The following CLIP4 variants were observed in gnomAD, a reference collection of about 807,000 sequenced individuals.
CLIP4 encodes the protein CAP-Gly domain containing linker protein family member 4.
CLIP4 carries 47 observed loss-of-function variants against 73.1 expected under a neutral mutation model. The ratio of observed to expected loss-of-function variants is 0.64; its 90% CI spans 0.51 to 0.82. CLIP4 has a LOEUF of 0.82. Among genes scored for constraint, CLIP4 ranks in the 40% least tolerant of loss-of-function variants. CLIP4 has a pLI of 0.00. For synonymous variants in CLIP4, 306 were observed against 295.4 expected, an observed-to-expected ratio of 1.04 and a Z score of -0.37; for missense variants, 874 against 852.9, an observed-to-expected ratio of 1.02 and a Z score of -0.31.
intron 1 of CLIP4, among the ~76,000 whole-genome samples, chr2:29,104,182 T>C (rs374965579): frequency 1.1e-4 from 17 of 152,358 alleles, no homozygotes; most frequent in East Asian, 3.9e-4. Context: ...ACACGTCTTA[T>C]GGTATTTACT....
chr2:29,156,304 A>G lies in CLIP4; in HGVS notation c.1166-50A>G, dbSNP rs148474761. On this transcript the variant is annotated intron_variant, in intron 9 of 15. Transcript: ENST00000320081. Reference sequence around the variant, plus strand: ...GCATGTACTTTAAAAAATACATTTTATGTTTAATGTTAAAATTCTTGCTTA... The same window carrying G: ...GCATGTACTTTAAAAAATACATTTTGTGTTTAATGTTAAAATTCTTGCTTA... 1.1e-4 allele frequency: 133 copies of G among 1,265,272 alleles called. No individual in the cohort carries two copies. The East Asian group carries it at 3.2e-3, about 31-fold the overall frequency. The allele number at this position is 1,265,272 out of a possible 1,614,324, so 78.4% of individuals were successfully genotyped here. A position where few individuals can be genotyped will look rare whatever the true frequency, so the allele number is the denominator to read the frequency against.
chr2:29,103,691 G>GT (rs900785835), intron 1 of CLIP4, among the ~76,000 whole-genome samples: 112 of 146,402 alleles, frequency 7.7e-4, no homozygotes, highest in South Asian at 6.5e-3. Flanking sequence ...GCACTGCTCT[G>GT]TTTTTTTTTT....
intron 7 of CLIP4, 71 bp from the exon 8 acceptor site, chr2:29,145,161 A>G (rs1666067213): frequency 1.5e-6 from 2 of 1,349,704 alleles, no homozygotes; most frequent in Non-Finnish European, 1.0e-6. Flanking sequence ...TGGTGAAGTA[A>G]AGTTGCAAGA....
intron 11 of CLIP4, among the ~76,000 whole-genome samples, chr2:29,157,684 T>A (rs1667019341): frequency 6.6e-6 from 1 of 152,246 alleles, no homozygotes; most frequent in Non-Finnish European, 1.5e-5. Context: ...CTATGTTTGC[T>A]TAAAACCTAG....
intron 8 of CLIP4, among the ~76,000 whole-genome samples, chr2:29,146,106 T>C (rs895953330): frequency 1.3e-5 from 2 of 152,192 alleles, no homozygotes; most frequent in African/African-American, 2.4e-5. Context: ...TTGGGACTGG[T>C]CTCTTGGGTG....
chr2:29,123,565 G>C (rs551001573), intron 2 of CLIP4, among the ~76,000 whole-genome samples: 19 of 152,310 alleles, frequency 1.2e-4, no homozygotes, highest in Admixed American at 6.5e-4. Context: ...GCTGTGAGAA[G>C]AGCCTGGGAA....
upstream of CLIP4, among the ~76,000 whole-genome samples, chr2:29,112,497 T>C (rs1262263439): frequency 6.6e-6 from 1 of 152,248 alleles, no homozygotes; most frequent in Non-Finnish European, 1.5e-5. Flanking sequence ...TTAAACTTTA[T>C]TGTTATTGTG....
intron 15 of CLIP4, among the ~76,000 whole-genome samples, chr2:29,178,866 C>T (rs903496174): frequency 6.6e-6 from 1 of 152,184 alleles, no homozygotes; most frequent in African/African-American, 2.4e-5. Context: ...ACTATCTCAG[C>T]TCACTGAAAC....
chr2:29,157,367 C>T lies in CLIP4; in HGVS notation c.1399+20C>T, dbSNP rs1328945574. The T allele has an allele frequency of 1.2e-6, 2 of 1,613,750 alleles. No homozygotes were observed. The highest frequency in any genetic ancestry group is 2.7e-5 in the African/African-American group (2 of 74,902). On this transcript the variant is annotated intron_variant, in intron 11 of 15. Transcript: ENST00000320081. ...GTGCTGGTATCTATGGCTTTTTCAA[C>T]CAGGCTTTCTTGGTGTTTTTTATCT...
chr2:29,131,624 A>G (rs903058455), intron 3 of CLIP4: 17 of 380,036 alleles, frequency 4.5e-5, no homozygotes, highest in African/African-American at 3.6e-4. Context: ...TGGCGGGTGC[A>G]GGGAGGGGCA....
At chr2:29,170,189 G>GTGGACA (rs1667913217) in intron 14 of CLIP4, among the ~76,000 whole-genome samples, 1 of 152,050 alleles carries the variant, frequency 6.6e-6, no homozygotes, top group Admixed American at 6.5e-5. Flanking sequence ...CTATATCTTG[G>GTGGACA]CTGTTGGGAA....
chr2:29,127,448 A>G (rs1403696877), intron 2 of CLIP4, among the ~76,000 whole-genome samples: 1 of 152,222 alleles, frequency 6.6e-6, no homozygotes, highest in Non-Finnish European at 1.5e-5. Flanking sequence ...TTTTGTTTAC[A>G]AAAGTATTCT....
intron 6 of CLIP4, among the ~76,000 whole-genome samples, chr2:29,137,674 C>A (rs771931483): frequency 6.6e-5 from 10 of 152,052 alleles, no homozygotes; most frequent in Non-Finnish European, 1.3e-4. Flanking sequence ...ACAACCTCAC[C>A]AAGATGTTAT....
Position 29,150,643 on chromosome 2 carries a change from CTTTTTT to C in CLIP4, c.1022-2022_1022-2017del, listed in dbSNP as rs34553625. Among the ~76,000 whole-genome samples, 4 of 80,262 alleles carry C rather than the reference CTTTTTT, an allele frequency of 5.0e-5. No homozygotes were observed. The South Asian group carries it at 1.7e-3, about 34-fold the overall frequency. The allele number at this position is 80,262 out of a possible 152,430, so 52.7% of individuals were successfully genotyped here. A position where few individuals can be genotyped will look rare whatever the true frequency, so the allele number is the denominator to read the frequency against. On this transcript the variant is annotated intron_variant, in intron 8 of 15. Transcript: ENST00000320081. ...CATAACTTAATTTTTTTGATTTGCTCTTTTTTTTTTTTTTTTTTTTTTTTTGAGACA... is the reference window on the plus strand; with the variant it reads ...CATAACTTAATTTTTTTGATTTGCTCTTTTTTTTTTTTTTTTTTTGAGACA...
At chr2:29,126,553 G>A (rs144840218) in intron 2 of CLIP4, among the ~76,000 whole-genome samples, 373 of 152,304 alleles carry the variant, frequency 2.4e-3, no homozygotes, top group African/African-American at 8.5e-3. Context: ...CACTTAATAA[G>A]TCTAACTTAT....
At chr2:29,127,334 T>C (rs1664670735) in intron 2 of CLIP4, among the ~76,000 whole-genome samples, 1 of 152,078 alleles carries the variant, frequency 6.6e-6, no homozygotes, top group South Asian at 2.1e-4. Context: ...CAAACTTTCA[T>C]TGAACTTATG....
chr2:29,149,334 T>C (rs190969456), intron 8 of CLIP4, among the ~76,000 whole-genome samples: 6 of 152,216 alleles, frequency 3.9e-5, no homozygotes, highest in Admixed American at 3.9e-4. Flanking sequence ...AAACAAAAAG[T>C]AGGTAGAGGT....
At chr2:29,162,948 T>G (rs1667385985) in intron 12 of CLIP4, among the ~76,000 whole-genome samples, 1 of 152,150 alleles carries the variant, frequency 6.6e-6, no homozygotes, top group African/African-American at 2.4e-5. Flanking sequence ...CTATCTCCTG[T>G]TTTTTTACTT....
At chr2:29,143,987 G>T in intron 7 of CLIP4, 42 bp downstream of exon 7, 1 of 1,530,850 alleles carries the variant, frequency 6.5e-7, no homozygotes, top group South Asian at 1.1e-5. Context: ...GGGTTGTTAT[G>T]TCCATGACCT....
Sources: gnomAD v4.1 joint callset for allele counts (sites outside exome capture counted in the v4.1 genomes callset) on GRCh38, gnomAD v4.1.1 for gene constraint, MANE v1.5 for transcripts, NCBI Gene and HGNC (gene_info 2026-07-23, HGNC 2026-07-21) for gene names.